FOXP1: variants seen among roughly 807,000 people sequenced by gnomAD.
FOXP1 encodes the protein forkhead box P1, also known as forkhead box protein P1.
A neutral mutation model predicts 98.2 loss-of-function variants in FOXP1; 15 were observed. The ratio of observed to expected loss-of-function variants is 0.15; its 90% CI spans 0.10 to 0.24. FOXP1 has a LOEUF of 0.24. Ranked by LOEUF, FOXP1 falls within the 10% of genes least tolerant of loss-of-function variation. The probability of loss-of-function intolerance (pLI) is 1.00; values close to 1 mark genes in which losing one functional copy is unlikely to be tolerated. For missense variants in FOXP1, 633 were observed against 848.5 expected (o/e 0.75, Z 3.15); for synonymous variants, 371 against 314.5 (o/e 1.18, Z -1.90).
intron 6 of FOXP1, 171 bp downstream of exon 6, chr3:71,198,031 C>A: frequency 6.2e-7 from 1 of 1,614,254 alleles, no homozygotes; most frequent in Non-Finnish European, 8.5e-7. Context: ...AAGCCAACTG[C>A]TGGGACTCCT....
intron 17 of FOXP1, among the ~76,000 whole-genome samples, chr3:70,975,133 T>C (rs559908388): frequency 1.2e-4 from 18 of 152,318 alleles, no homozygotes; most frequent in African/African-American, 4.3e-4. Context: ...TTCCTGCAGT[T>C]TGCAAAACGA....
At chr3:71,532,869 A>C (rs1465671307) in intron 2 of FOXP1, among the ~76,000 whole-genome samples, 1 of 152,168 alleles carries the variant, frequency 6.6e-6, no homozygotes, top group African/African-American at 2.4e-5. Context: ...GTTTTTAAGC[A>C]TACATTTTCA....
intron 6 of FOXP1, among the ~76,000 whole-genome samples, chr3:71,125,416 C>A (rs1468530723): frequency 1.3e-5 from 2 of 151,400 alleles, no homozygotes; most frequent in South Asian, 2.1e-4. Flanking sequence ...TTGACATGAC[C>A]GATTAAAAAA....
intron 5 of FOXP1, among the ~76,000 whole-genome samples, chr3:71,199,667 G>T (rs554855516): frequency 1.3e-5 from 2 of 151,908 alleles, no homozygotes; most frequent in Non-Finnish European, 2.9e-5. Context: ...TTGAACCTAG[G>T]GGGTGGAGGT....
Position 71,053,628 on chromosome 3 carries a change from A to C in FOXP1, c.420+8T>G, listed in dbSNP as rs763929850. ...GAGACAGGCTGGAGGTGGAGGAAGG[A>C]CAATTACCTGTTGAAGCATGAGGGC... On this transcript the variant is annotated splice_region_variant and intron_variant, in intron 8 of 20. Transcript: ENST00000649528. The C allele has an allele frequency of 6.2e-7, 1 of 1,613,984 alleles. No individual in the cohort carries two copies.
chr3:71,452,364 C>G (rs774358790), intron 3 of FOXP1, among the ~76,000 whole-genome samples: 1 of 152,092 alleles, frequency 6.6e-6, no homozygotes, highest in Non-Finnish European at 1.5e-5. Flanking sequence ...TCTGTTGCAG[C>G]TATGTTTATA....
At chr3:71,334,530 T>C (rs2076552744) in intron 4 of FOXP1, 2 of 152,160 alleles carry the variant, frequency 1.3e-5, no homozygotes, top group Admixed American at 1.3e-4. Flanking sequence ...AAACTACATA[T>C]TGCAAAAGGA....
At chr3:71,029,240 T>C (rs568846737) in intron 11 of FOXP1, among the ~76,000 whole-genome samples, 2 of 152,212 alleles carry the variant, frequency 1.3e-5, no homozygotes, top group Non-Finnish European at 2.9e-5. Flanking sequence ...GGGCCTACTA[T>C]ATGCCAGGCT....
intron 3 of FOXP1, among the ~76,000 whole-genome samples, chr3:71,389,397 T>G (rs2080870062): frequency 6.6e-6 from 1 of 152,160 alleles, no homozygotes. Context: ...ATCATCTCGA[T>G]AGGTAGCAGG....
At chr3:71,192,113 G>T (rs1032433469) in intron 6 of FOXP1, among the ~76,000 whole-genome samples, 1 of 152,156 alleles carries the variant, frequency 6.6e-6, no homozygotes, top group Non-Finnish European at 1.5e-5. Flanking sequence ...ACACAGAGGT[G>T]CTGATCAGCT....
chr3:71,532,948 T>C (rs1017810923), intron 2 of FOXP1, among the ~76,000 whole-genome samples: 1 of 152,108 alleles, frequency 6.6e-6, no homozygotes, highest in Non-Finnish European at 1.5e-5. Flanking sequence ...TAAACATGAG[T>C]CATATTCAAA....
At chr3:71,349,710 A>C (rs1277323457) in intron 4 of FOXP1, among the ~76,000 whole-genome samples, 1 of 152,176 alleles carries the variant, frequency 6.6e-6, no homozygotes, top group Non-Finnish European at 1.5e-5. Flanking sequence ...GACATAACTA[A>C]ATGTTAAGCT....
At chr3:71,069,290 G>C (rs1385923142) in intron 7 of FOXP1, among the ~76,000 whole-genome samples, 1 of 152,106 alleles carries the variant, frequency 6.6e-6, no homozygotes, top group African/African-American at 2.4e-5. Flanking sequence ...CAACATTCAG[G>C]TGACTTGTAA....
At chr3:71,245,532 C>T (rs948418145) in intron 5 of FOXP1, among the ~76,000 whole-genome samples, 7 of 151,988 alleles carry the variant, frequency 4.6e-5, no homozygotes, top group Admixed American at 6.6e-5. Context: ...ATTTTCAATC[C>T]CTTGCAGAGA....
rs1161257933 is a variant in FOXP1, at chr3:71,052,568, T to C, written c.479A>G (p.Gln160Arg). 1.4e-6 allele frequency: 2 copies of C among 1,429,732 alleles called. No individual in the cohort carries two copies. The highest frequency in any genetic ancestry group is 1.7e-5 in the Admixed American group (1 of 59,810). The allele number at this position is 1,429,732 out of a possible 1,614,324, so 88.6% of individuals were successfully genotyped here. A position where few individuals can be genotyped will look rare whatever the true frequency, so the allele number is the denominator to read the frequency against. ...AGGCTGTTTTCCAGCATGTTGTTGTTGTAAAAGTTGAAGCTGCAACTGTTC... is the reference window on the plus strand; with the variant it reads ...AGGCTGTTTTCCAGCATGTTGTTGTCGTAAAAGTTGAAGCTGCAACTGTTC... ...QQEQLQLQLLQQQHAGKQPKE... is the reference protein window; with the variant it reads ...QQEQLQLQLLRQQHAGKQPKE... Residue 160 changes from glutamine (Q) to arginine (R), a missense_variant, in exon 9 of 21, where the codon CAA becomes CGA. Transcript: ENST00000649528.
intron 6 of FOXP1, among the ~76,000 whole-genome samples, chr3:71,116,753 G>A (rs539042110): frequency 6.6e-6 from 1 of 152,294 alleles, no homozygotes; most frequent in South Asian, 2.1e-4. Flanking sequence ...TAATTTCCAT[G>A]ATCTATAAAT....
intron 7 of FOXP1, among the ~76,000 whole-genome samples, chr3:71,054,964 T>C (rs1217134453): frequency 6.6e-6 from 1 of 151,986 alleles, no homozygotes; most frequent in Non-Finnish European, 1.5e-5. Context: ...ACTTTGCCTG[T>C]GTGCTACTTA....
intron 3 of FOXP1, among the ~76,000 whole-genome samples, chr3:71,446,742 T>G (rs973573909): frequency 6.6e-6 from 1 of 152,262 alleles, no homozygotes; most frequent in East Asian, 1.9e-4. Context: ...TTAGATGGGA[T>G]GCACAGCTTC....
chr3:71,384,897 G>A (rs576375751), intron 3 of FOXP1, among the ~76,000 whole-genome samples: 8 of 152,256 alleles, frequency 5.3e-5, no homozygotes, highest in African/African-American at 1.9e-4. Context: ...CTAGAACCCT[G>A]AAAGGAAATC....
Sources: gnomAD v4.1 joint callset for allele counts (sites outside exome capture counted in the v4.1 genomes callset) on GRCh38, gnomAD v4.1.1 for gene constraint, MANE v1.5 for transcripts, NCBI Gene and HGNC (gene_info 2026-07-23, HGNC 2026-07-21) for gene names.